The following ARHGAP35 variants were observed in gnomAD, a reference collection of about 807,000 sequenced individuals.
ARHGAP35 encodes the protein rho GTPase-activating protein 35.
Under a neutral mutation model 111.1 loss-of-function variants are expected in ARHGAP35, and 15 were observed. The observed-to-expected ratio is 0.13, with a 90% CI of 0.09 to 0.21. The LOEUF is 0.21. Among genes scored for constraint, ARHGAP35 ranks in the 10% least tolerant of loss-of-function variants. The pLI is 1.00. For synonymous variants in ARHGAP35, 643 were observed against 710.3 expected (o/e 0.91, Z 1.51); for missense variants, 1,262 against 1,873.0 (o/e 0.67, Z 6.02).
Position 46,866,442 on chromosome 19 carries a change from G to A in ARHGAP35, c.-189+5233G>A, listed in dbSNP as rs1045540588. Among the ~76,000 whole-genome samples the A allele has an allele frequency of 3.3e-5, 5 of 152,308 alleles. No homozygotes were observed. The South Asian group carries it at 1.0e-3, about 32-fold the overall frequency. ...AGTACTGGATTTATATAAGGGCAGTGACCTGGCTTCTGATCTAGGCCTTGT... is the reference window on the plus strand; with the variant it reads ...AGTACTGGATTTATATAAGGGCAGTAACCTGGCTTCTGATCTAGGCCTTGT... On this transcript the variant is annotated intron_variant, in intron 1 of 6. Coordinates refer to ENST00000672722, the MANE Select transcript of ARHGAP35 (RefSeq NM_004491.5).
At chr19:46,952,960 A>G (rs2056420855) in intron 3 of ARHGAP35, among the ~76,000 whole-genome samples, 1 of 152,172 alleles carries the variant, frequency 6.6e-6, no homozygotes. Flanking sequence ...GATTACAGGC[A>G]TGAGCCACCA....
chr19:46,931,468 A>G (rs1255711516), intron 2 of ARHGAP35, among the ~76,000 whole-genome samples: 4 of 152,180 alleles, frequency 2.6e-5, no homozygotes, highest in African/African-American at 9.7e-5. Flanking sequence ...ACTCTGCCAC[A>G]GTCGGGAGTT....
At chr19:46,923,498 G>T (rs760450239) in intron 2 of ARHGAP35, among the ~76,000 whole-genome samples, 51 of 152,008 alleles carry the variant, frequency 3.4e-4, no homozygotes, top group Non-Finnish European at 6.5e-4. Context: ...GTCCCCTTGG[G>T]TTTAGGCTTT....
intron 3 of ARHGAP35, among the ~76,000 whole-genome samples, chr19:46,959,327 T>C (rs2122265392): frequency 6.6e-6 from 1 of 151,994 alleles, no homozygotes; most frequent in Non-Finnish European, 1.5e-5. Context: ...AGTGCTGGGA[T>C]TACAGGTGTG....
chr19:46,869,595 A>G (rs1366198412), intron 1 of ARHGAP35, among the ~76,000 whole-genome samples: 2 of 152,046 alleles, frequency 1.3e-5, no homozygotes, highest in South Asian at 2.1e-4. Context: ...CTGTGGCTTT[A>G]TCTCTTGCAG....
chr19:46,941,052 T>C (rs531181152), intron 3 of ARHGAP35, among the ~76,000 whole-genome samples: 1 of 152,036 alleles, frequency 6.6e-6, no homozygotes, highest in Non-Finnish European at 1.5e-5. Context: ...CCCACCCTCC[T>C]TTTTTTTCCC....
At position 46,999,726 on chromosome 19, in the gene ARHGAP35, GAGA is replaced by G. The variant is rs1481593733; in HGVS notation, c.4142+321_4142+323del. The G allele has an allele frequency of 1.7e-5, 6 of 355,188 alleles. No individual in the cohort carries two copies. The highest frequency in any genetic ancestry group is 6.2e-5 in the South Asian group (1 of 16,030). 22.0% of individuals were successfully genotyped at this position (355,188 alleles called of 1,614,324 possible). On this transcript the variant is annotated intron_variant, in intron 6 of 6. Coordinates refer to ENST00000672722, the MANE Select transcript of ARHGAP35 (RefSeq NM_004491.5). This position sits in a 1 kb window ranked among gnomAD's most constrained non-coding sequence, Gnocchi z 5.4. ...GCCTGTGTCCCAAAGCTGGCAGAGAGAGAAGATCTTCTGGTTGGTACTGATGCT... is the reference window on the plus strand; with the variant it reads ...GCCTGTGTCCCAAAGCTGGCAGAGAGAGATCTTCTGGTTGGTACTGATGCT...
At chr19:46,899,599 C>T (rs2056074001) in intron 1 of ARHGAP35, among the ~76,000 whole-genome samples, 1 of 151,842 alleles carries the variant, frequency 6.6e-6, no homozygotes. Flanking sequence ...ACTCAGGTAA[C>T]TGCAGCGGGA....
rs202061760 is a variant in ARHGAP35 at position 47,000,323 on chromosome 19, G to T, written c.4143-8G>T. Reference sequence around the variant, plus strand: ...AGTTCTGACCATTGAGTTTGGTGTCGCCCGCAGGGTCAGCCACAACAACAA... The same window carrying T: ...AGTTCTGACCATTGAGTTTGGTGTCTCCCGCAGGGTCAGCCACAACAACAA... On this transcript the variant is annotated splice_polypyrimidine_tract_variant and splice_region_variant and intron_variant, in intron 6 of 6. Transcript: ENST00000672722. The surrounding 1 kb of genome is among the most constrained non-coding windows in gnomAD (Gnocchi z 6.9). 1.2e-6 allele frequency: 2 copies of T among 1,612,638 alleles called. No individual in the cohort carries two copies. The highest frequency in any genetic ancestry group is 1.1e-5 in the South Asian group (1 of 90,946).
At chr19:46,896,468 T>C (rs559202057) in intron 1 of ARHGAP35, among the ~76,000 whole-genome samples, 112 of 152,380 alleles carry the variant, frequency 7.4e-4, no homozygotes, top group Non-Finnish European at 1.4e-3. Context: ...AAATATATTA[T>C]GAAGTTTTGC....
chr19:46,996,505 G>A (rs1478037613), intron 5 of ARHGAP35, among the ~76,000 whole-genome samples: 1 of 148,512 alleles, frequency 6.7e-6, no homozygotes, highest in Non-Finnish European at 1.5e-5. Context: ...CAGATAGGAA[G>A]GAGAGCAGGC....
At chr19:46,896,256 C>T (rs781246011) in intron 1 of ARHGAP35, among the ~76,000 whole-genome samples, 29 of 152,178 alleles carry the variant, frequency 1.9e-4, no homozygotes, top group Non-Finnish European at 3.1e-4. Context: ...ATTAGCCAGG[C>T]GTGATGGTGT....
chr19:46,863,706 C>T (rs940851239), intron 1 of ARHGAP35, among the ~76,000 whole-genome samples: 1 of 151,254 alleles, frequency 6.6e-6, no homozygotes, highest in Non-Finnish European at 1.5e-5. Context: ...TATAGTTTTA[C>T]CTCTAGCTGG....
rs541138820 is a variant in ARHGAP35, at chr19:46,995,114, A to C, written c.4037-4190A>C. 3.3e-5 allele frequency among the ~76,000 whole-genome samples: 5 copies of C among 152,274 alleles called. No homozygotes were observed. In the East Asian group the frequency reaches 9.7e-4, roughly 29 times the overall value. On this transcript the variant is annotated intron_variant, in intron 5 of 6. Coordinates refer to ENST00000672722, the MANE Select transcript of ARHGAP35 (RefSeq NM_004491.5). ...CTGAGTCAGGGGAGGGTGGGTATAG[A>C]AAAAAGGCTGGGTACAGTGTGACTG...
Position 46,946,038 on chromosome 19 carries a change from A to G in ARHGAP35, c.3826+8630A>G, listed in dbSNP as rs118039916. Reference sequence around the variant, plus strand: ...CATCTTCTCTCTTGAGTTATGATGTATTCAAACTATTCTATATAAATAACT... The same window carrying G: ...CATCTTCTCTCTTGAGTTATGATGTGTTCAAACTATTCTATATAAATAACT... On this transcript the variant is annotated intron_variant, in intron 3 of 6. Coordinates refer to ENST00000672722, the MANE Select transcript of ARHGAP35 (RefSeq NM_004491.5). 4.0e-3 allele frequency among the ~76,000 whole-genome samples: 612 copies of G among 152,358 alleles called. 2 individuals are homozygous for G. Among genetic ancestry groups the G allele is most frequent in the Non-Finnish European group, 6.5e-3 (439 of 68,032 alleles).
At chr19:46,928,132 A>C (rs2056249164) in intron 2 of ARHGAP35, among the ~76,000 whole-genome samples, 1 of 152,192 alleles carries the variant, frequency 6.6e-6, no homozygotes, top group African/African-American at 2.4e-5. Context: ...CTCGATTCTC[A>C]GTTTATTTTA....
At position 47,001,827 on chromosome 19, in the gene ARHGAP35, G is replaced by A; in HGVS notation, c.*1139G>A. The A allele has an allele frequency of 4.8e-6, 1 of 206,560 alleles. No homozygotes were observed. Among genetic ancestry groups the A allele is most frequent in the Non-Finnish European group, 9.8e-6 (1 of 101,678 alleles). 12.8% of individuals were successfully genotyped at this position (206,560 alleles called of 1,614,324 possible). A position where few individuals can be genotyped will look rare whatever the true frequency, so the allele number is the denominator to read the frequency against. ...AGGTGCCAGGTGCACTTGGGGTTGG[G>A]GTTGGTGTGTTGGGTGTTGAAGTGG... On this transcript the variant is annotated 3_prime_UTR_variant, in exon 7 of 7. Transcript: ENST00000672722. This position sits in a 1 kb window ranked among gnomAD's most constrained non-coding sequence, Gnocchi z 5.4.
Position 46,977,040 on chromosome 19 carries a change from A to G in ARHGAP35, c.3827-10949A>G, listed in dbSNP as rs1012538094. Among the ~76,000 whole-genome samples, 17 of 152,084 alleles carry G rather than the reference A, an allele frequency of 1.1e-4. No individual in the cohort carries two copies. The South Asian group carries it at 2.3e-3, about 20-fold the overall frequency. On this transcript the variant is annotated intron_variant, in intron 3 of 6. Transcript: ENST00000672722. ...ACTAACCTCTTCTCCTCCGTGTTACACTCACTGTAAAAACATCTAAGACCC... is the reference window on the plus strand; with the variant it reads ...ACTAACCTCTTCTCCTCCGTGTTACGCTCACTGTAAAAACATCTAAGACCC...
Position 47,000,159 on chromosome 19 carries a change from ACT to A in ARHGAP35, c.4143-171_4143-170del, listed in dbSNP as rs2056738190. ...GGCACTGGGCTGGAGGGGAGAGGAC[ACT>A]GAGGGCGCAGCCTCCCAGGCAGGGC... On this transcript the variant is annotated intron_variant, in intron 6 of 6. Coordinates refer to ENST00000672722, the MANE Select transcript of ARHGAP35 (RefSeq NM_004491.5). This position sits in a 1 kb window ranked among gnomAD's most constrained non-coding sequence, Gnocchi z 6.9. 6.6e-6 allele frequency among the ~76,000 whole-genome samples: 1 copy of A among 152,120 alleles called. No homozygotes were observed. The highest frequency in any genetic ancestry group is 1.5e-5 in the Non-Finnish European group (1 of 68,006).
Sources: gnomAD v4.1 joint callset for allele counts (sites outside exome capture counted in the v4.1 genomes callset) on GRCh38, gnomAD v4.1.1 for gene constraint, Gnocchi (gnomAD v3.1) non-coding constraint, MANE v1.5 for transcripts, NCBI Gene and HGNC (gene_info 2026-07-23, HGNC 2026-07-21) for gene names.